Variants in TRHDE observed in about 807,000 individuals in gnomAD.
The protein encoded by TRHDE is thyrotropin releasing hormone degrading enzyme.
TRHDE carries 72 observed loss-of-function variants against 125.7 expected under a neutral mutation model. That is an observed-to-expected ratio of 0.57 (90% CI 0.47 to 0.70). TRHDE has a LOEUF of 0.70. Among genes scored for constraint, TRHDE ranks in the 30% least tolerant of loss-of-function variants. The probability of loss-of-function intolerance (pLI) is 0.00; values close to 1 mark genes in which losing one functional copy is unlikely to be tolerated. For missense variants in TRHDE, 1,110 were observed against 1,327.1 expected (o/e 0.84, Z 2.54); for synonymous variants, 509 against 509.1 (o/e 1.00, Z 0.00).
intron 12 of TRHDE, among the ~76,000 whole-genome samples, chr12:72,590,574 A>G (rs1871630050): frequency 6.6e-6 from 1 of 152,126 alleles, no homozygotes; most frequent in African/African-American, 2.4e-5. Flanking sequence ...ATTATGAAGT[A>G]TCTTCCTTGT....
intron 2 of TRHDE, among the ~76,000 whole-genome samples, chr12:72,315,975 A>G (rs1037046665): frequency 6.6e-6 from 1 of 152,162 alleles, no homozygotes; most frequent in South Asian, 2.1e-4. Flanking sequence ...TCCATTTCAA[A>G]CAGAAATGTG....
intron 7 of TRHDE, among the ~76,000 whole-genome samples, chr12:72,551,407 G>T (rs1055962240): frequency 1.3e-5 from 2 of 151,890 alleles, no homozygotes; most frequent in Admixed American, 6.6e-5. Flanking sequence ...TCTGCTCAAG[G>T]TTTCTCCCTA....
At chr12:72,206,729 AAAATT>A (rs1478555481) in intron 2 of TRHDE, among the ~76,000 whole-genome samples, 2 of 152,152 alleles carry the variant, frequency 1.3e-5, no homozygotes, top group African/African-American at 4.8e-5. Context: ...TTCCAAAATG[AAAATT>A]TTAAAAAAGA....
intron 3 of TRHDE, among the ~76,000 whole-genome samples, chr12:72,414,649 C>T (rs1165228945): frequency 6.6e-6 from 1 of 152,050 alleles, no homozygotes; most frequent in East Asian, 1.9e-4. Context: ...TAATAACCTA[C>T]TAGAGGTGGC....
intron 2 of TRHDE, among the ~76,000 whole-genome samples, chr12:72,161,565 T>G (rs186066058): frequency 3.9e-5 from 6 of 152,342 alleles, no homozygotes; most frequent in Admixed American, 2.0e-4. Flanking sequence ...CATATTGATT[T>G]TTGTGGTAGG....
intron 5 of TRHDE, among the ~76,000 whole-genome samples, chr12:72,479,137 ATGAG>A (rs1877040845): frequency 6.6e-6 from 1 of 152,144 alleles, no homozygotes; most frequent in African/African-American, 2.4e-5. Flanking sequence ...AGAAAGATGA[ATGAG>A]TAAGGCTGGA....
intron 2 of TRHDE, among the ~76,000 whole-genome samples, chr12:72,311,402 T>C (rs541612367): frequency 1.3e-5 from 2 of 152,310 alleles, no homozygotes; most frequent in East Asian, 3.9e-4. Flanking sequence ...TGAGTAAAGA[T>C]GTTGCTAATG....
chr12:72,238,335 CACATTATATATATATATATATATATAT>C lies in TRHDE; in HGVS notation n.279+132587_279+132613del, dbSNP rs1565670023. On this transcript the variant is annotated intron_variant and non_coding_transcript_variant, in intron 2 of 4. Transcript: ENST00000548156. Reference sequence around the variant, plus strand: ...ATATATATATATACATATATATATACACATTATATATATATATATATATATATACACATACATATATATATATTTTTT... The same window carrying C: ...ATATATATATATACATATATATATACACACATACATATATATATATTTTTT... Among the ~76,000 whole-genome samples, 41 of 16,066 alleles carry C rather than the reference CACATTATATATATATATATATATATAT, an allele frequency of 2.6e-3. 4 individuals carry two copies. The highest frequency in any genetic ancestry group is 5.3e-3 in the Non-Finnish European group (36 of 6,760). The allele number at this position is 16,066 out of a possible 152,430, so 10.5% of individuals were successfully genotyped here.
chr12:72,224,360 A>G (rs1878080966), intron 2 of TRHDE, among the ~76,000 whole-genome samples: 2 of 152,070 alleles, frequency 1.3e-5, no homozygotes, highest in South Asian at 4.1e-4. Flanking sequence ...AGAAAGGGCT[A>G]TAGGTTGTGG....
chr12:72,344,490 G>T (rs1870224311), intron 2 of TRHDE, among the ~76,000 whole-genome samples: 1 of 152,116 alleles, frequency 6.6e-6, no homozygotes, highest in South Asian at 2.1e-4. Flanking sequence ...AATGGACCAA[G>T]ATTGGAATCC....
chr12:72,579,691 T>C (rs946335637), intron 12 of TRHDE, among the ~76,000 whole-genome samples: 29 of 152,110 alleles, frequency 1.9e-4, no homozygotes, highest in Admixed American at 9.8e-4. Context: ...TTTGAAATAT[T>C]CTATTTTTCT....
At chr12:72,110,774 A>T (rs1022187932) in intron 2 of TRHDE, among the ~76,000 whole-genome samples, 7 of 152,132 alleles carry the variant, frequency 4.6e-5, no homozygotes, top group Admixed American at 2.0e-4. Context: ...TTCAATATAG[A>T]CAGAGGAAAG....
intron 2 of TRHDE, among the ~76,000 whole-genome samples, chr12:72,192,912 G>A (rs1426817536): frequency 3.9e-5 from 6 of 152,046 alleles, no homozygotes; most frequent in Admixed American, 3.9e-4. Context: ...GCCAGTGAGT[G>A]AGGTGGTTTT....
intron 15 of TRHDE, among the ~76,000 whole-genome samples, chr12:72,632,328 C>T (rs1873530567): frequency 6.6e-6 from 1 of 151,846 alleles, no homozygotes; most frequent in Admixed American, 6.6e-5. Flanking sequence ...GTGCCCTGAC[C>T]AGAGCTGAGT....
intron 15 of TRHDE, among the ~76,000 whole-genome samples, chr12:72,638,396 G>T (rs1249540937): frequency 6.6e-6 from 1 of 152,018 alleles, no homozygotes; most frequent in Non-Finnish European, 1.5e-5. Context: ...GCCTATGTTT[G>T]TCTCTGCACG....
chr12:72,592,210 C>A (rs946369280), intron 12 of TRHDE, among the ~76,000 whole-genome samples: 6 of 152,046 alleles, frequency 3.9e-5, no homozygotes, highest in Non-Finnish European at 7.4e-5. Flanking sequence ...TTTACCTTTT[C>A]TTCTCTTCAT....
rs956342343 is a variant in TRHDE, at chr12:72,667,024, A to T, written c.*3829A>T. On this transcript the variant is annotated 3_prime_UTR_variant, in exon 19 of 19. Transcript: ENST00000261180. ...ATGCAGATAAATTGTGTGCATCTCA[A>T]TCAGTAAAAATAATATTCAGTAAAA... is the stretch of plus-strand genomic sequence containing the variant. 28 of 152,122 alleles carry T rather than the reference A, an allele frequency of 1.8e-4. No individual in the cohort carries two copies. The highest frequency in any genetic ancestry group is 6.7e-4 in the African/African-American group (28 of 41,572). The allele number at this position is 152,122 out of a possible 1,614,324, so 9.4% of individuals were successfully genotyped here.
At chr12:72,224,797 T>G (rs1246638720) in intron 2 of TRHDE, among the ~76,000 whole-genome samples, 2 of 152,144 alleles carry the variant, frequency 1.3e-5, no homozygotes. Context: ...GGCATTAAAG[T>G]GAGTTATAAA....
At chr12:72,269,886 TAGAAAG>T (rs1466523987), upstream of TRHDE, among the ~76,000 whole-genome samples, 1 of 152,210 alleles carries the variant, frequency 6.6e-6, no homozygotes, top group Non-Finnish European at 1.5e-5. Flanking sequence ...ACTAATGTTT[TAGAAAG>T]AGAAAGTCTT....
Sources: allele counts gnomAD v4.1 joint callset (sites outside exome capture counted in the v4.1 genomes callset), GRCh38; gene constraint gnomAD v4.1.1; transcripts MANE v1.5; gene names NCBI Gene and HGNC (gene_info 2026-07-23, HGNC 2026-07-21).